TMEM117: variants seen among roughly 807,000 people sequenced by gnomAD.
TMEM117 encodes transmembrane protein 117.
TMEM117 carries 27 observed loss-of-function variants against 52.4 expected under a neutral mutation model. That is an observed-to-expected ratio of 0.51 (90% CI 0.38 to 0.71). TMEM117 has a LOEUF of 0.71. TMEM117 is among the 30% of genes least tolerant of loss of function. TMEM117 has a pLI of 0.00. For synonymous variants in TMEM117, 215 were observed against 206.3 expected (o/e 1.04, Z -0.36); for missense variants, 556 against 630.5 (o/e 0.88, Z 1.26).
chr12:43,869,557 G>A (rs994214172), intron 2 of TMEM117, among the ~76,000 whole-genome samples: 3 of 152,216 alleles, frequency 2.0e-5, no homozygotes, highest in Admixed American at 1.3e-4. Flanking sequence ...TGTGTACTCT[G>A]ATGGCAGGAG....
the TMEM117 span, among the ~76,000 whole-genome samples, chr12:44,397,150 A>G: frequency 6.6e-6 from 1 of 152,202 alleles, no homozygotes; most frequent in Non-Finnish European, 1.5e-5. Context: ...ACAAAGCATG[A>G]GAGAGTTAAA....
intron 2 of TMEM117, among the ~76,000 whole-genome samples, chr12:43,911,677 G>T (rs1375274538): frequency 1.4e-5 from 2 of 144,678 alleles, no homozygotes; most frequent in Non-Finnish European, 3.1e-5. Context: ...CCATCAAAAA[G>T]TGGGCAAAGG....
At chr12:44,227,111 T>C (rs11182443) in intron 5 of TMEM117, among the ~76,000 whole-genome samples, 19,124 of 152,126 alleles carry the variant, frequency 0.13, 3,598 homozygotes, top group African/African-American at 0.41. Context: ...CTTGTTATGC[T>C]TTAATTCCCA....
intron 5 of TMEM117, among the ~76,000 whole-genome samples, chr12:44,219,750 A>C (rs564575473): frequency 6.6e-6 from 1 of 152,282 alleles, no homozygotes; most frequent in African/African-American, 2.4e-5. Flanking sequence ...CATTATAGCT[A>C]CTCAAATAAT....
rs191804782 is a variant in TMEM117 at position 44,043,896 on chromosome 12, T to C, written c.410+99554T>C. Among the ~76,000 whole-genome samples the C allele has an allele frequency of 1.3e-4, 20 of 152,272 alleles. No individual in the cohort carries two copies. In the East Asian group the frequency reaches 3.7e-3, roughly 28 times the overall value. On this transcript the variant is annotated intron_variant, in intron 3 of 7. Coordinates refer to ENST00000266534, the MANE Select transcript of TMEM117 (RefSeq NM_032256.3). ...GTTGGATCGGGCTGAATTTATTGAT[T>C]TGGGCCCGCTAAGTAGGGACTCTGC... is the stretch of plus-strand genomic sequence containing the variant.
chr12:44,347,688 G>A (rs1299739470), intron 6 of TMEM117, among the ~76,000 whole-genome samples: 4 of 152,020 alleles, frequency 2.6e-5, no homozygotes, highest in Admixed American at 2.6e-4. Context: ...CTTACTAACA[G>A]AGGTGATTTT....
At chr12:44,209,527 A>G (rs1434533215) in intron 4 of TMEM117, among the ~76,000 whole-genome samples, 1 of 152,162 alleles carries the variant, frequency 6.6e-6, no homozygotes, top group African/African-American at 2.4e-5. Flanking sequence ...TCACATTTAT[A>G]TAGTGATTGA....
intron 3 of TMEM117, among the ~76,000 whole-genome samples, chr12:44,119,638 C>T (rs761930224): frequency 6.6e-6 from 1 of 152,166 alleles, no homozygotes; most frequent in South Asian, 2.1e-4. Context: ...CACCCCAGAT[C>T]GTCTTCCTGA....
At chr12:43,797,360 A>G in the TMEM117 span, 5 of 1,606,268 alleles carry the variant, frequency 3.1e-6, no homozygotes, top group South Asian at 5.6e-5. Context: ...AATGGTAACG[A>G]GCTGAATCCT....
intron 3 of TMEM117, among the ~76,000 whole-genome samples, chr12:43,985,689 T>C (rs1437578876): frequency 6.6e-6 from 1 of 152,200 alleles, no homozygotes; most frequent in African/African-American, 2.4e-5. Flanking sequence ...CTAATCAAGA[T>C]GTTGGTAAGC....
rs946441992 is a variant in TMEM117, at chr12:44,299,129, T to C, written c.609-451T>C. ...ACTGCTTTTGATAGAAGGCATTTAA[T>C]TTTTTTTTTTTTTTTTTTTGAGATG... On this transcript the variant is annotated intron_variant, in intron 5 of 7. Transcript: ENST00000266534. Among the ~76,000 whole-genome samples, 6 of 100,738 alleles carry C rather than the reference T, an allele frequency of 6.0e-5. No homozygotes were observed. In the East Asian group the frequency reaches 1.3e-3, roughly 23 times the overall value. The allele number at this position is 100,738 out of a possible 152,430, so 66.1% of individuals were successfully genotyped here. A position where few individuals can be genotyped will look rare whatever the true frequency, so the allele number is the denominator to read the frequency against.
intron 3 of TMEM117, among the ~76,000 whole-genome samples, chr12:44,045,481 G>A (rs1010710340): frequency 6.6e-6 from 1 of 152,202 alleles, no homozygotes; most frequent in Non-Finnish European, 1.5e-5. Context: ...CTCACGGAAT[G>A]CCTTATCCAC....
chr12:44,347,984 A>T (rs17094494), intron 6 of TMEM117, among the ~76,000 whole-genome samples: 5,756 of 152,110 alleles, frequency 0.038, 139 homozygotes, highest in Admixed American at 0.054. Context: ...TGTGCTGAAG[A>T]GGGTTAATCA....
At chr12:44,163,291 G>T (rs1354704480) in intron 4 of TMEM117, among the ~76,000 whole-genome samples, 2 of 152,122 alleles carry the variant, frequency 1.3e-5, no homozygotes, top group Non-Finnish European at 2.9e-5. Context: ...AATACCTTTT[G>T]TCTACAAGAT....
At chr12:44,211,259 A>G (rs1345923991) in intron 4 of TMEM117, 31 bp from the exon 5 acceptor site, 1 of 1,390,362 alleles carries the variant, frequency 7.2e-7, no homozygotes, top group Non-Finnish European at 1.0e-6. Context: ...GATTTCTGAA[A>G]GTGCTGAATA....
At chr12:44,021,602 G>T (rs1946456911) in intron 3 of TMEM117, among the ~76,000 whole-genome samples, 1 of 152,156 alleles carries the variant, frequency 6.6e-6, no homozygotes, top group African/African-American at 2.4e-5. Context: ...TAGACACTTA[G>T]AGCTTGCCTG....
chr12:43,914,043 T>G (rs1944558945), intron 2 of TMEM117, among the ~76,000 whole-genome samples: 1 of 152,136 alleles, frequency 6.6e-6, no homozygotes, highest in Non-Finnish European at 1.5e-5. Flanking sequence ...CCTTTCCATA[T>G]TTCCTCTGGT....
chr12:44,208,917 C>T (rs1949610012), intron 4 of TMEM117, among the ~76,000 whole-genome samples: 1 of 151,856 alleles, frequency 6.6e-6, no homozygotes, highest in Non-Finnish European at 1.5e-5. Flanking sequence ...TTGAATAAAA[C>T]CCACCCAGTA....
intron 3 of TMEM117, among the ~76,000 whole-genome samples, chr12:44,007,477 C>G (rs1463559326): frequency 1.3e-5 from 2 of 151,992 alleles, no homozygotes; most frequent in Non-Finnish European, 2.9e-5. Flanking sequence ...ACACAGAATT[C>G]TAGCTTTTTT....
Sources: gnomAD v4.1 joint callset for allele counts (sites outside exome capture counted in the v4.1 genomes callset) on GRCh38, gnomAD v4.1.1 for gene constraint, MANE v1.5 for transcripts, NCBI Gene and HGNC (gene_info 2026-07-23, HGNC 2026-07-21) for gene names.